The following JAK1 variants were observed in gnomAD, a reference collection of about 807,000 sequenced individuals.
JAK1 encodes the protein Janus kinase 1.
Under a neutral mutation model 136.6 loss-of-function variants are expected in JAK1, and 16 were observed. The ratio of observed to expected loss-of-function variants is 0.12; its 90% CI spans 0.08 to 0.18. The LOEUF is 0.18. Among genes scored for constraint, JAK1 ranks in the 10% least tolerant of loss-of-function variants. JAK1 has a pLI of 1.00. For synonymous variants in JAK1, 492 were observed against 519.5 expected (o/e 0.95, Z 0.72); for missense variants, 859 against 1,450.1 (o/e 0.59, Z 6.62).
chr1:65,038,938 TTG>T (rs150814115), intron 2 of JAK1, among the ~76,000 whole-genome samples: 405 of 147,538 alleles, frequency 2.7e-3, no homozygotes, highest in African/African-American at 7.7e-3. Context: ...GCACCCAGTC[TTG>T]TGTGTGTGTG....
chr1:64,977,933 A>G (rs1230264148), intron 2 of JAK1, among the ~76,000 whole-genome samples: 1 of 147,550 alleles, frequency 6.8e-6, no homozygotes, highest in African/African-American at 2.7e-5. Flanking sequence ...ACTAATGTCC[A>G]CTTTGTAGAA....
chr1:64,850,720 GCCTT>G, intron 12 of JAK1, 80 bp downstream of exon 12: 1 of 881,638 alleles, frequency 1.1e-6, no homozygotes, highest in Non-Finnish European at 1.9e-6. Context: ...CCCAAACACA[GCCTT>G]CCTTCCCCCA....
In JAK1 at chr1:64,924,719, T is replaced by C. The variant is rs1403670436; in HGVS notation, c.-77-38378A>G. 2.6e-5 allele frequency among the ~76,000 whole-genome samples: 4 copies of C among 152,304 alleles called. No homozygotes were observed. The South Asian group carries it at 6.2e-4, about 24-fold the overall frequency. The stretch of plus-strand genomic sequence containing the variant: ...ATCTTCAGCAAATTGAAAGATGGCA[T>C]CTACTGGACAGGACTGTAGAACTGC... On this transcript the variant is annotated intron_variant, in intron 1 of 24. Coordinates refer to ENST00000342505, the MANE Select transcript of JAK1 (RefSeq NM_002227.4).
intron 1 of JAK1, among the ~76,000 whole-genome samples, chr1:65,061,465 T>A (rs1647788490): frequency 6.6e-6 from 1 of 152,130 alleles, no homozygotes; most frequent in Non-Finnish European, 1.5e-5. Flanking sequence ...TAAACTAAGA[T>A]GAAAATATTG....
chr1:64,944,532 C>T (rs972737721), intron 1 of JAK1, among the ~76,000 whole-genome samples: 1 of 152,020 alleles, frequency 6.6e-6, no homozygotes, highest in Admixed American at 6.6e-5. Flanking sequence ...GGATTTTCAT[C>T]GTAGGGTTGT....
At chr1:64,995,062 G>A (rs1646692839) in intron 2 of JAK1, 1 of 151,600 alleles carries the variant, frequency 6.6e-6, no homozygotes, top group East Asian at 1.9e-4. Flanking sequence ...ATTTTAGGCT[G>A]TTGATAAATG....
chr1:64,855,241 GT>G (rs1451896021), intron 11 of JAK1, among the ~76,000 whole-genome samples: 1 of 152,256 alleles, frequency 6.6e-6, no homozygotes, highest in Admixed American at 6.5e-5. Context: ...GAAGAAAGAA[GT>G]GATTTTCTGC....
At chr1:64,980,510 CAA>C (rs1646534395) in intron 2 of JAK1, among the ~76,000 whole-genome samples, 2 of 152,086 alleles carry the variant, frequency 1.3e-5, no homozygotes, top group African/African-American at 4.8e-5. Flanking sequence ...GTATGCACAG[CAA>C]GTTGACCCTC....
At chr1:64,928,799 A>AAAAAAAAAC (rs1557699711) in intron 1 of JAK1, among the ~76,000 whole-genome samples, 1 of 85,086 alleles carries the variant, frequency 1.2e-5, no homozygotes, top group African/African-American at 9.0e-5. Context: ...AAAAAAAACA[A>AAAAAAAAAC]AAAAAAAAAA....
intron 1 of JAK1, among the ~76,000 whole-genome samples, chr1:65,046,218 A>G (rs1381606121): frequency 4.6e-5 from 7 of 152,218 alleles, no homozygotes; most frequent in Non-Finnish European, 1.0e-4. Context: ...ACTAGAGTTC[A>G]ACAATAGTTT....
chr1:65,039,627 C>T (rs1004412716), intron 2 of JAK1, among the ~76,000 whole-genome samples: 6 of 152,218 alleles, frequency 3.9e-5, no homozygotes, highest in African/African-American at 1.4e-4. Flanking sequence ...GAGGTATTCA[C>T]ACTATTTGGG....
rs187043211 is a variant in JAK1 at position 64,841,507 on chromosome 1, T to C, written c.2498A>G (p.Asn833Ser). The C allele has an allele frequency of 3.0e-4, 492 of 1,614,126 alleles. 1 individual carries two copies. The Middle Eastern group carries it at 3.5e-3, about 11-fold the overall frequency. ...LMTRCMNYDP[N>S]QRPFFRAIMR... Reference sequence around the variant, plus strand: ...GATGGCTCGGAAGAAAGGCCTCTGATTGGGGTCATAGTTCATGCAGCGGGT... The same window carrying C: ...GATGGCTCGGAAGAAAGGCCTCTGACTGGGGTCATAGTTCATGCAGCGGGT... The change falls in exon 18 of 25, where the codon AAT (asparagine) becomes AGT (serine). Residue 833 changes from asparagine to serine, a missense_variant. Physicochemically the swap from Asn to Ser is conservative, Grantham distance 46. Coordinates refer to ENST00000342505, the MANE Select transcript of JAK1 (RefSeq NM_002227.4).
chr1:64,840,521 CA>C (rs1654826611), intron 19 of JAK1, among the ~76,000 whole-genome samples: 2 of 152,198 alleles, frequency 1.3e-5, no homozygotes, highest in South Asian at 4.1e-4. Context: ...GGATTCTGTG[CA>C]ATAAACCTAT....
chr1:64,928,668 G>A (rs1269212746), intron 1 of JAK1, among the ~76,000 whole-genome samples: 2 of 148,084 alleles, frequency 1.4e-5, no homozygotes, highest in Non-Finnish European at 3.0e-5. Context: ...TCACCCCCAA[G>A]ACCTGAATCT....
chr1:64,982,400 G>A (rs1046937739), intron 2 of JAK1, among the ~76,000 whole-genome samples: 90 of 152,152 alleles, frequency 5.9e-4, no homozygotes, highest in Non-Finnish European at 2.6e-4. Flanking sequence ...CACAGTCCGG[G>A]AGGTAAATTG....
chr1:64,992,996 G>A (rs1242512773), intron 2 of JAK1: 1 of 148,440 alleles, frequency 6.7e-6, no homozygotes, highest in Non-Finnish European at 1.5e-5. Context: ...TCTTAAGTTT[G>A]GGAAAATGTT....
chr1:64,929,703 C>A (rs1030912047), intron 1 of JAK1, among the ~76,000 whole-genome samples: 3 of 151,930 alleles, frequency 2.0e-5, no homozygotes, highest in African/African-American at 7.3e-5. Flanking sequence ...GTTATGATAC[C>A]TACAAGTCTG....
intron 1 of JAK1, among the ~76,000 whole-genome samples, chr1:64,944,894 A>G (rs2100541168): frequency 6.6e-6 from 1 of 152,264 alleles, no homozygotes; most frequent in South Asian, 2.1e-4. Context: ...AAAACAGAAC[A>G]AAAACTTCCA....
chr1:64,842,194 A>T (rs1370926067), intron 17 of JAK1, among the ~76,000 whole-genome samples: 1 of 152,230 alleles, frequency 6.6e-6, no homozygotes, highest in Non-Finnish European at 1.5e-5. Flanking sequence ...AATTTTGTTT[A>T]AAAAAGAGAG....
Sources: allele counts gnomAD v4.1 joint callset (sites outside exome capture counted in the v4.1 genomes callset), GRCh38; gene constraint gnomAD v4.1.1; transcripts MANE v1.5; gene names NCBI Gene and HGNC (gene_info 2026-07-23, HGNC 2026-07-21).